Variants in FBN2 observed in about 807,000 individuals in gnomAD.
FBN2 encodes fibrillin-2.
A neutral mutation model predicts 355.6 loss-of-function variants in FBN2; 105 were observed. That is an observed-to-expected ratio of 0.30 (90% CI 0.25 to 0.35). The LOEUF (loss-of-function observed/expected upper bound fraction) is 0.35. Among genes scored for constraint, FBN2 ranks in the 10% least tolerant of loss-of-function variants. FBN2 has a pLI of 1.00. For missense variants in FBN2, 3,280 were observed against 3,758.7 expected (o/e 0.87, Z 3.33); for synonymous variants, 1,350 against 1,301.2 (o/e 1.04, Z -0.81).
Position 128,527,888 on chromosome 5 carries a change from T to C in FBN2, c.516A>G (p.Gly172=). ...DHCQCQKGYI[G]TYCGQPVCEN... ...GTCCCTTACGTTGTCCACAATAAGT[T>C]CCAATATATCCTTTCTGGCACTGGC... is the stretch of plus-strand genomic sequence containing the variant. The change falls in exon 4 of 65, where the codon GGA becomes GGG. Residue 172 remains glycine (G), a synonymous_variant. Coordinates refer to ENST00000262464, the MANE Select transcript of FBN2 (RefSeq NM_001999.4). 5.0e-6 allele frequency: 8 copies of C among 1,609,086 alleles called. No homozygotes were observed. The highest frequency in any genetic ancestry group is 6.8e-6 in the Non-Finnish European group (8 of 1,175,840).
Position 128,311,312 on chromosome 5 carries a change from G to C in FBN2, c.5062C>G (p.Arg1688Gly). The C allele has an allele frequency of 6.2e-7, 1 of 1,614,016 alleles. No individual in the cohort carries two copies. The highest frequency in any genetic ancestry group is 8.5e-7 in the Non-Finnish European group (1 of 1,179,974). ...PQGYYLSEDT[R>G]ICEDIDECFA... ...AAATTCATCTCACCTTCACAGATGC[G>C]GGTATCCTCGCTGAGGTAGTAGCCT... Residue 1688 changes from arginine to glycine, a missense_variant, in exon 39 of 65, where the codon CGC (arginine) becomes GGC (glycine). Coordinates refer to ENST00000262464, the MANE Select transcript of FBN2 (RefSeq NM_001999.4).
chr5:128,390,884 ATTAT>A (rs1416679989), intron 11 of FBN2, among the ~76,000 whole-genome samples: 1 of 152,234 alleles, frequency 6.6e-6, no homozygotes, highest in East Asian at 1.9e-4. Flanking sequence ...ATTCAGAAAG[ATTAT>A]TTAACACTGT....
intron 42 of FBN2, 119 bp from the exon 43 acceptor site, chr5:128,306,067 C>A: frequency 1.0e-6 from 1 of 964,700 alleles, no homozygotes; most frequent in South Asian, 1.4e-5. Context: ...TCACAAAAAT[C>A]TATTATATAC....
At chr5:128,324,719 G>A (rs1340959938) in intron 34 of FBN2, among the ~76,000 whole-genome samples, 2 of 151,334 alleles carry the variant, frequency 1.3e-5, no homozygotes, top group African/African-American at 2.4e-5. Context: ...CCGGGTTCAC[G>A]CCATTCTCCT....
chr5:128,510,182 C>T (rs1756076008), intron 5 of FBN2, among the ~76,000 whole-genome samples: 1 of 152,096 alleles, frequency 6.6e-6, no homozygotes, highest in South Asian at 2.1e-4. Flanking sequence ...TTTTGATTTC[C>T]CTGGGCCACA....
rs771712321 is a variant in FBN2 at position 128,537,518 on chromosome 5, T to G, written c.86A>C (p.Gln29Pro). The change falls in exon 1 of 65, where the codon CAG (glutamine) becomes CCG (proline). Residue 29 changes from glutamine (Q) to proline (P), a missense_variant. Transcript: ENST00000262464. ...CGGCTTGGGCGGAGGAGGCTGAGGC[T>G]GGCCGGCCGTGCCCTGCGCCCAGAG... ...VVLWAQGTAG[Q>P]PQPPPPKPPR... 6.3e-6 allele frequency: 10 copies of G among 1,575,914 alleles called. No individual in the cohort carries two copies. Among genetic ancestry groups the G allele is most frequent in the Admixed American group, 3.6e-5 (2 of 55,130 alleles).
chr5:128,310,394 ATATATATATTTTTT>A (rs1334683774), intron 39 of FBN2, among the ~76,000 whole-genome samples: 515 of 20,350 alleles, frequency 0.025, 5 homozygotes, highest in South Asian at 0.044. Context: ...ATATATATAT[ATATATATATTTTTT>A]TTTTTTTTTT....
At chr5:128,321,884 G>A (rs1243951451) in intron 34 of FBN2, among the ~76,000 whole-genome samples, 2 of 152,110 alleles carry the variant, frequency 1.3e-5, no homozygotes, top group South Asian at 4.1e-4. Flanking sequence ...CTCCACAATG[G>A]TTGAACTAAT....
chr5:128,328,621 G>T (rs1750615781), intron 34 of FBN2, 75 bp downstream of exon 34: 3 of 1,524,326 alleles, frequency 2.0e-6, no homozygotes, highest in Non-Finnish European at 2.7e-6. Flanking sequence ...GGTGGAGCTT[G>T]TTCCAGCCCT....
intron 5 of FBN2, among the ~76,000 whole-genome samples, chr5:128,475,371 G>A (rs144002590): frequency 6.2e-4 from 94 of 152,182 alleles, no homozygotes; most frequent in Middle Eastern, 3.4e-3. Flanking sequence ...TTTAGTTCAG[G>A]AGAGTGAATC....
chr5:128,282,950 G>A (rs76835745), intron 55 of FBN2, among the ~76,000 whole-genome samples: 5,140 of 152,180 alleles, frequency 0.034, 228 homozygotes, highest in Admixed American at 0.13. Context: ...ATGATCCTCC[G>A]TCAACAATCC....
intron 5 of FBN2, among the ~76,000 whole-genome samples, chr5:128,513,177 T>A (rs1756177419): frequency 6.6e-6 from 1 of 152,224 alleles, no homozygotes; most frequent in African/African-American, 2.4e-5. Context: ...TGATTATGGG[T>A]CCACAACTGT....
intron 48 of FBN2, among the ~76,000 whole-genome samples, chr5:128,292,980 T>A (rs1749370939): frequency 6.6e-6 from 1 of 152,174 alleles, no homozygotes; most frequent in Non-Finnish European, 1.5e-5. Context: ...AAAATAGGTC[T>A]CTCCCCTTAG....
At chr5:128,320,305 C>G (rs1750334974) in intron 34 of FBN2, among the ~76,000 whole-genome samples, 1 of 151,780 alleles carries the variant, frequency 6.6e-6, no homozygotes, top group African/African-American at 2.4e-5. Flanking sequence ...GCCACAATCT[C>G]CTGGGCTCAA....
At chr5:128,334,522 G>A (rs1421425196) in intron 31 of FBN2, among the ~76,000 whole-genome samples, 197 bp downstream of exon 31, 1 of 152,078 alleles carries the variant, frequency 6.6e-6, no homozygotes, top group East Asian at 1.9e-4. Context: ...CCCCACGGTG[G>A]GTGGCTCAGA....
intron 35 of FBN2, among the ~76,000 whole-genome samples, chr5:128,318,653 G>T (rs1750281613): frequency 6.6e-6 from 1 of 151,756 alleles, no homozygotes; most frequent in African/African-American, 2.4e-5. Context: ...CTAGTTTCAT[G>T]TCAGATATTT....
chr5:128,349,325 T>C (rs1289258661), intron 23 of FBN2, 22 bp downstream of exon 23: 5 of 1,613,906 alleles, frequency 3.1e-6, no homozygotes, highest in Middle Eastern at 1.7e-4. Context: ...ATACATAGAA[T>C]ACATGAGGGT....
intron 5 of FBN2, among the ~76,000 whole-genome samples, chr5:128,483,309 T>C (rs1000670507): frequency 6.6e-6 from 1 of 152,000 alleles, no homozygotes; most frequent in African/African-American, 2.4e-5. Context: ...GAATCTAAAA[T>C]AAAAGTTGAA....
chr5:128,378,966 C>T, intron 11 of FBN2, 76 bp from the exon 12 acceptor site: 1 of 1,560,334 alleles, frequency 6.4e-7, no homozygotes, highest in South Asian at 1.1e-5. Flanking sequence ...ATTTAGTCCT[C>T]TAAAGTTTGA....
Sources: allele counts gnomAD v4.1 joint callset (sites outside exome capture counted in the v4.1 genomes callset), GRCh38; gene constraint gnomAD v4.1.1; transcripts MANE v1.5; gene names NCBI Gene and HGNC (gene_info 2026-07-23, HGNC 2026-07-21).